UBE2U: variants seen among roughly 807,000 people sequenced by gnomAD.
The protein encoded by UBE2U is ubiquitin conjugating enzyme E2 U, also known as ubiquitin-conjugating enzyme E2 U.
In UBE2U, 39 loss-of-function variants were observed where a neutral mutation model predicts 41.2. The observed-to-expected ratio is 0.95, with a 90% CI of 0.73 to 1.24. UBE2U has a LOEUF of 1.24. Among genes scored for constraint, UBE2U ranks in the 50% most tolerant of loss-of-function variants. UBE2U has a pLI of 0.00. For missense variants in UBE2U, 336 were observed against 363.1 expected (o/e 0.93, Z 0.61); for synonymous variants, 107 against 117.8 (o/e 0.91, Z 0.60).
At chr1:64,266,566 T>G (rs1645258158) in intron 9 of UBE2U, among the ~76,000 whole-genome samples, 1 of 152,206 alleles carries the variant, frequency 6.6e-6, no homozygotes. Context: ...TCCATTCTGA[T>G]CACCCCTAAC....
At chr1:64,239,140 A>AAGAGGAAGAGGAAGAGGAAGAG in intron 7 of UBE2U, among the ~76,000 whole-genome samples, 1 of 28,354 alleles carries the variant, frequency 3.5e-5, no homozygotes. Flanking sequence ...AAGAAGAAGA[A>AAGAGGAAGAGGAAGAGGAAGAG]GAAGAAGAAG....
At chr1:64,218,732 A>G (rs1389108707) in intron 5 of UBE2U, among the ~76,000 whole-genome samples, 1 of 152,220 alleles carries the variant, frequency 6.6e-6, no homozygotes, top group East Asian at 1.9e-4. Flanking sequence ...ATTTGGTTAC[A>G]TTAATATGAC....
At chr1:64,225,097 G>T (rs1367342217) in intron 6 of UBE2U, among the ~76,000 whole-genome samples, 3 of 152,030 alleles carry the variant, frequency 2.0e-5, no homozygotes, top group Admixed American at 2.0e-4. Context: ...TAATGGTACT[G>T]ATTTCATAGA....
At chr1:64,244,072 A>G in intron 8 of UBE2U, 4 of 1,244,990 alleles carry the variant, frequency 3.2e-6, no homozygotes, top group Non-Finnish European at 3.5e-6. Context: ...AAGCACTCAT[A>G]AAGTTCGCTA....
At chr1:64,224,370 G>C (rs1400670041) in intron 6 of UBE2U, among the ~76,000 whole-genome samples, 1 of 152,190 alleles carries the variant, frequency 6.6e-6, no homozygotes, top group African/African-American at 2.4e-5. Flanking sequence ...CATTGGTTTA[G>C]GCAATAATGT....
chr1:64,220,747 C>A, intron 5 of UBE2U, 112 bp from the exon 6 acceptor site: 2 of 846,186 alleles, frequency 2.4e-6, no homozygotes, highest in South Asian at 3.4e-5. Flanking sequence ...GATTTTATAT[C>A]TTATTTTTAT....
intron 5 of UBE2U, among the ~76,000 whole-genome samples, chr1:64,216,005 C>T (rs1239353091): frequency 2.0e-5 from 3 of 152,172 alleles, no homozygotes; most frequent in Non-Finnish European, 4.4e-5. Context: ...TCCCAATCAA[C>T]AGGCCTTGAT....
At chr1:64,238,846 AC>A (rs1355759120) in intron 7 of UBE2U, among the ~76,000 whole-genome samples, 1 of 151,914 alleles carries the variant, frequency 6.6e-6, no homozygotes, top group African/African-American at 2.4e-5. Context: ...ATTTGAGATC[AC>A]CCTGGGCAAA....
intron 7 of UBE2U, among the ~76,000 whole-genome samples, chr1:64,239,171 A>AGAAGAG (rs1557731299): frequency 5.5e-5 from 5 of 90,962 alleles, no homozygotes; most frequent in Non-Finnish European, 8.5e-5. Flanking sequence ...AAGAAGAAGA[A>AGAAGAG]GAAGAAGAAG....
At chr1:64,237,836 G>A (rs1181757337) in intron 7 of UBE2U, among the ~76,000 whole-genome samples, 3 of 152,114 alleles carry the variant, frequency 2.0e-5, no homozygotes, top group Admixed American at 1.3e-4. Context: ...GTCATTTGGG[G>A]TTTCATAATA....
intron 6 of UBE2U, among the ~76,000 whole-genome samples, chr1:64,224,539 A>T (rs1652719181): frequency 6.6e-6 from 1 of 152,158 alleles, no homozygotes; most frequent in Admixed American, 6.5e-5. Flanking sequence ...CCTGGTCAAC[A>T]TGATGAAACC....
chr1:64,221,942 C>A (rs1652503958), intron 6 of UBE2U, among the ~76,000 whole-genome samples: 1 of 151,982 alleles, frequency 6.6e-6, no homozygotes, highest in East Asian at 1.9e-4. Context: ...AAAAAATTAG[C>A]CGAGCGTGGT....
In UBE2U at chr1:64,245,423, C is replaced by T. The variant is rs113324976; in HGVS notation, c.677+3690C>T. Among the ~76,000 whole-genome samples, 196 of 152,308 alleles carry T rather than the reference C, an allele frequency of 1.3e-3. 1 individual carries two copies. The highest frequency in any genetic ancestry group is 4.5e-3 in the African/African-American group (186 of 41,578). On this transcript the variant is annotated intron_variant, in intron 8 of 9. Transcript: ENST00000371077. ...TAGCTAATGATTGCTTCTGTGACAA[C>T]AGAAAAATCTTTATCAGTATTCTAA...
At chr1:64,244,687 T>C (rs749521445) in intron 8 of UBE2U, among the ~76,000 whole-genome samples, 4 of 152,100 alleles carry the variant, frequency 2.6e-5, no homozygotes, top group Non-Finnish European at 5.9e-5. Flanking sequence ...ACTGACAAGC[T>C]CAGGCATTCA....
intron 5 of UBE2U, among the ~76,000 whole-genome samples, chr1:64,220,147 T>A (rs1387686049): frequency 6.6e-6 from 1 of 152,144 alleles, no homozygotes; most frequent in East Asian, 1.9e-4. Flanking sequence ...CTGGGCTTGT[T>A]GACAGTTTTA....
intron 8 of UBE2U, chr1:64,244,366 A>G: frequency 5.6e-6 from 4 of 711,400 alleles, no homozygotes; most frequent in Non-Finnish European, 7.0e-6. Flanking sequence ...TCTGTTACAT[A>G]TATAAAATAA....
In UBE2U at chr1:64,210,747, C is replaced by CCA. The variant is rs1651612815; in HGVS notation, c.253_254dup (p.Gly86LeufsTer6). 2 of 1,562,690 alleles carry CCA rather than the reference C, an allele frequency of 1.3e-6. No homozygotes were observed. The highest frequency in any genetic ancestry group is 2.4e-5 in the South Asian group (2 of 81,784). ...AATGTATTATTTTAATACAGTAGACCCACACACTGGTCAGCCCTGTATAGA... is the reference window on the plus strand; with the variant it reads ...AATGTATTATTTTAATACAGTAGACCCACACACACTGGTCAGCCCTGTATAGA... On this transcript the variant is annotated frameshift_variant, in exon 4 of 10. Coordinates refer to ENST00000371077, the MANE Select transcript of UBE2U (RefSeq NM_001366232.2). LOFTEE classifies it high-confidence loss of function.
At chr1:64,263,258 A>G (rs1386067254) in intron 9 of UBE2U, among the ~76,000 whole-genome samples, 1 of 152,068 alleles carries the variant, frequency 6.6e-6, no homozygotes, top group African/African-American at 2.4e-5. Flanking sequence ...TACATGAACA[A>G]AACATGTTTC....
rs1644662026 is a variant in UBE2U at position 64,236,065 on chromosome 1, G to A, written c.595+3416G>A. ...CAGATTTACCAGAGTTTCATCCTGG[G>A]TCTGCCATTTACTGGCTGTGTGACT... On this transcript the variant is annotated intron_variant, in intron 7 of 9. Coordinates refer to ENST00000371077, the MANE Select transcript of UBE2U (RefSeq NM_001366232.2). Among the ~76,000 whole-genome samples the A allele has an allele frequency of 2.0e-5, 3 of 152,074 alleles. No individual in the cohort carries two copies. In the South Asian group the frequency reaches 6.2e-4, roughly 32 times the overall value.
Sources: allele counts gnomAD v4.1 joint callset (sites outside exome capture counted in the v4.1 genomes callset), GRCh38; gene constraint gnomAD v4.1.1; transcripts MANE v1.5; gene names NCBI Gene and HGNC (gene_info 2026-07-23, HGNC 2026-07-21).